Variants in RGPD4 observed in about 807,000 individuals in gnomAD.
RGPD4 encodes RANBP2 like and GRIP domain containing 4.
RGPD4 carries 84 observed loss-of-function variants against 141.1 expected under a neutral mutation model. That is an observed-to-expected ratio of 0.60 (90% confidence interval 0.50 to 0.71). The LOEUF is 0.71. RGPD4 is among the 30% of genes least tolerant of loss of function. The pLI is 0.00. For missense variants in RGPD4, 918 were observed against 1,622.4 expected, an observed-to-expected ratio of 0.57 and a Z score of 7.46; for synonymous variants, 298 against 566.8, an observed-to-expected ratio of 0.53 and a Z score of 6.74.
chr2:107,863,829 CT>C (rs1646289787), intron 17 of RGPD4, among the ~76,000 whole-genome samples: 1 of 151,926 alleles, frequency 6.6e-6, no homozygotes, highest in African/African-American at 2.4e-5. Context: ...ATGTGTCTCT[CT>C]CCTCATCTTC....
chr2:107,857,241 G>A (rs11682279), intron 9 of RGPD4, among the ~76,000 whole-genome samples: 3 of 151,542 alleles, frequency 2.0e-5, no homozygotes, highest in Admixed American at 6.6e-5. Context: ...GGGTTCAAGT[G>A]ATTCTACTGC....
chr2:107,886,751 A>C (rs572438332), intron 22 of RGPD4, among the ~76,000 whole-genome samples: 3 of 152,022 alleles, frequency 2.0e-5, no homozygotes, highest in African/African-American at 7.2e-5. Context: ...TCTGAGAGCC[A>C]CTCTTCCTGG....
Position 107,827,075 on chromosome 2 carries a change from C to G in RGPD4, c.62C>G (p.Ser21Trp), listed in dbSNP as rs778490324. 6.3e-7 allele frequency: 1 copy of G among 1,591,032 alleles called. No individual in the cohort carries two copies. Among genetic ancestry groups the G allele is most frequent in the African/African-American group, 1.3e-5 (1 of 74,398 alleles). The change falls in exon 1 of 23, where the codon TCG becomes TGG. Residue 21 changes from serine (S) to tryptophan (W), a missense_variant. Coordinates refer to ENST00000408999, the MANE Select transcript of RGPD4 (RefSeq NM_182588.3). ...GCCTCCGTGCAGGGCTCCGCCCCGTCGCCTCGAAAGGTGAGTGGATCTCGA... is the reference window on the plus strand; with the variant it reads ...GCCTCCGTGCAGGGCTCCGCCCCGTGGCCTCGAAAGGTGAGTGGATCTCGA... ...YVASVQGSAP[S>W]PRKKSTRGFY...
rs775841064 is a variant in RGPD4 at position 107,871,789 on chromosome 2, G to C, written c.3785G>C (p.Ser1262Thr). Reference protein sequence around the residue: ...CDLREDALDDSVSSSSVHASP... With the variant: ...CDLREDALDDTVSSSSVHASP... ...TTAAGGGAAGATGCTTTGGATGATA[G>C]TGTCAGTAGTAGCTCAGTACATGCT... The change falls in exon 20 of 23, where the codon AGT becomes ACT. Residue 1262 changes from serine (S) to threonine (T), a missense_variant. By Grantham distance (58) the Ser-to-Thr change is moderately conservative (BLOSUM62 1). Coordinates refer to ENST00000408999, the MANE Select transcript of RGPD4 (RefSeq NM_182588.3). 4.3e-6 allele frequency: 7 copies of C among 1,611,530 alleles called. No individual in the cohort carries two copies. The highest frequency in any genetic ancestry group is 1.1e-5 in the South Asian group (1 of 90,996).
Position 107,883,634 on chromosome 2 carries a change from A to C in RGPD4, c.5266+761A>C, listed in dbSNP as rs1331088539. Among the ~76,000 whole-genome samples, 35 of 58,194 alleles carry C rather than the reference A, an allele frequency of 6.0e-4. 1 individual carries two copies. Among genetic ancestry groups the C allele is most frequent in the East Asian group, 6.8e-4 (3 of 4,386 alleles). 38.2% of individuals were successfully genotyped at this position (58,194 alleles called of 152,430 possible). On this transcript the variant is annotated intron_variant, in intron 22 of 22. Transcript: ENST00000408999. The stretch of plus-strand genomic sequence containing the variant: ...GAGCGAGACTCCATCTCAAAAAAAA[A>C]AAAAACAAAAACAAAAAACTATGAT...
At chr2:107,832,661 G>A (rs1324352911) in intron 1 of RGPD4, among the ~76,000 whole-genome samples, 2 of 144,456 alleles carry the variant, frequency 1.4e-5, no homozygotes, top group African/African-American at 5.3e-5. Flanking sequence ...AGGCTGGTCT[G>A]GAAACTAATG....
rs1489677822 is a variant in RGPD4 at position 107,872,084 on chromosome 2, C to T, written c.4080C>T (p.His1360=). The T allele has an allele frequency of 6.2e-7, 1 of 1,611,412 alleles. No individual in the cohort carries two copies. Among genetic ancestry groups the T allele is most frequent in the South Asian group, 1.1e-5 (1 of 90,960 alleles). ...AAAATGAAAAAGTTGTTTTTAGTCA[C>T]AGGGCAGAACTCTACAGATATGATA... ...GEENEKVVFS[H]RAELYRYDKD... Residue 1360 remains histidine (H), a synonymous_variant, in exon 20 of 23, where the codon CAC becomes CAT. Transcript: ENST00000408999.
Position 107,882,889 on chromosome 2 carries a change from G to C in RGPD4, c.5266+16G>C. Reference sequence around the variant, plus strand: ...GTTGCTCAAGGTGGGTAAAAGGAGAGTCTCAGAACTTCTGACTTCTAACTT... The same window carrying C: ...GTTGCTCAAGGTGGGTAAAAGGAGACTCTCAGAACTTCTGACTTCTAACTT... On this transcript the variant is annotated intron_variant, in intron 22 of 22. Transcript: ENST00000408999. 6.5e-7 allele frequency: 1 copy of C among 1,542,292 alleles called. No homozygotes were observed. The highest frequency in any genetic ancestry group is 2.3e-5 in the East Asian group (1 of 44,316).
At chr2:107,880,423 C>G (rs561480749) in intron 21 of RGPD4, among the ~76,000 whole-genome samples, 1 of 150,846 alleles carries the variant, frequency 6.6e-6, no homozygotes, top group Admixed American at 6.6e-5. Context: ...GCCAACATGC[C>G]TGGCTAATTT....
chr2:107,874,591 G>T (rs1414132991), intron 20 of RGPD4, among the ~76,000 whole-genome samples: 1 of 150,604 alleles, frequency 6.6e-6, no homozygotes, highest in Admixed American at 6.6e-5. Flanking sequence ...AATGTGAAAA[G>T]TGTTAACTTA....
chr2:107,829,691 CGCGGCGGGCGGGAGACCTTTG>C (rs1681398380), intron 1 of RGPD4, among the ~76,000 whole-genome samples: 1 of 152,218 alleles, frequency 6.6e-6, no homozygotes, highest in South Asian at 2.1e-4. Context: ...CTGGGGGGAC[CGCGGCGGGCGGGAGACCTTTG>C]GCGCCGGCGC....
chr2:107,828,684 C>G (rs1429160776), intron 1 of RGPD4, among the ~76,000 whole-genome samples: 1 of 40,626 alleles, frequency 2.5e-5, no homozygotes, highest in Non-Finnish European at 4.7e-5. Flanking sequence ...CTCCCTGGCG[C>G]GCTCTGTTGA....
chr2:107,833,905 G>A (rs774942413), intron 1 of RGPD4, among the ~76,000 whole-genome samples: 9 of 151,966 alleles, frequency 5.9e-5, no homozygotes, highest in Non-Finnish European at 1.2e-4. Context: ...GCATGGTGGC[G>A]TGCGCCTGCA....
rs755151219 is a variant in RGPD4, at chr2:107,826,965, G to C, written c.-49G>C. The stretch of plus-strand genomic sequence containing the variant: ...TCCTGTTGGAATTGGCGACTGCTGC[G>C]GGGCTGAGCGCTGGTTTCACGCGTC... On this transcript the variant is annotated 5_prime_UTR_variant, in exon 1 of 23. Coordinates refer to ENST00000408999, the MANE Select transcript of RGPD4 (RefSeq NM_182588.3). 40 of 1,569,424 alleles carry C rather than the reference G, an allele frequency of 2.5e-5. No homozygotes were observed. Among genetic ancestry groups the C allele is most frequent in the South Asian group, 2.3e-5 (2 of 85,422 alleles).
At chr2:107,881,701 A>T (rs2104516492) in intron 21 of RGPD4, among the ~76,000 whole-genome samples, 1 of 150,806 alleles carries the variant, frequency 6.6e-6, no homozygotes, top group Admixed American at 6.6e-5. Context: ...CCTAGGTTTG[A>T]GGACAAAGTT....
chr2:107,882,462 C>T (rs1675392109), intron 21 of RGPD4, among the ~76,000 whole-genome samples: 3 of 150,928 alleles, frequency 2.0e-5, no homozygotes, highest in South Asian at 4.2e-4. Flanking sequence ...TTCCGGTTTT[C>T]ATGTCAAATG....
chr2:107,844,425 A>G (rs2556114), intron 6 of RGPD4, among the ~76,000 whole-genome samples: 1 of 152,208 alleles, frequency 6.6e-6, no homozygotes, highest in African/African-American at 2.4e-5. Flanking sequence ...ATACTACAAG[A>G]TTGGAGTTGA....
In RGPD4 at chr2:107,827,040, G is replaced by A. The variant is rs1485650762; in HGVS notation, c.27G>A (p.Glu9=). ...TGAGTTGCAGCAAGGCCTACGGGGA[G>A]CGGTACGTCGCCTCCGTGCAGGGCT... The part of the protein sequence containing the change: MSCSKAYG[E]RYVASVQGSA... The change falls in exon 1 of 23, where the codon GAG becomes GAA. Residue 9 remains glutamate (E), a synonymous_variant. Coordinates refer to ENST00000408999, the MANE Select transcript of RGPD4 (RefSeq NM_182588.3). 2 of 1,599,098 alleles carry A rather than the reference G, an allele frequency of 1.3e-6. No homozygotes were observed. The highest frequency in any genetic ancestry group is 4.5e-5 in the East Asian group (2 of 44,396).
chr2:107,879,975 A>G lies in RGPD4; in HGVS notation c.4932A>G (p.Pro1644=), dbSNP rs748274336. The G allele has an allele frequency of 4.3e-6, 7 of 1,611,236 alleles. No homozygotes were observed. In the South Asian group the frequency reaches 4.4e-5, roughly 10 times the overall value. The change falls in exon 21 of 23, where the codon CCA becomes CCG. Residue 1644 remains proline, a synonymous_variant. Coordinates refer to ENST00000408999, the MANE Select transcript of RGPD4 (RefSeq NM_182588.3). ...TGGAACAACATGTTGCAGAGCCTCC[A>G]TTATGGCATGCTGAATTTACCAAAG... The part of the protein sequence containing the change: ...YTFKTPEKEP[P]LWHAEFTKEE...
Sources: allele counts gnomAD v4.1 joint callset (sites outside exome capture counted in the v4.1 genomes callset), GRCh38; gene constraint gnomAD v4.1.1; transcripts MANE v1.5; gene names NCBI Gene and HGNC (gene_info 2026-07-23, HGNC 2026-07-21).